The following YEATS2 variants were observed in gnomAD, a reference collection of about 807,000 sequenced individuals.
YEATS2 encodes YEATS domain containing 2, also known as YEATS domain-containing protein 2.
In YEATS2, 77 loss-of-function variants were observed where a neutral mutation model predicts 163.2. The observed-to-expected ratio is 0.47, with a 90% CI of 0.39 to 0.57. YEATS2 has a LOEUF of 0.57. Ranked by LOEUF, YEATS2 falls within the 20% of genes least tolerant of loss-of-function variation. The pLI is 0.00. For missense variants in YEATS2, 1,549 were observed against 1,729.8 expected, an observed-to-expected ratio of 0.90 and a Z score of 1.85; for synonymous variants, 631 against 645.1, an observed-to-expected ratio of 0.98 and a Z score of 0.33.
chr3:183,802,951 A>T (rs192495207), intron 25 of YEATS2: 2 of 286,770 alleles, frequency 7.0e-6, no homozygotes, highest in Admixed American at 9.6e-5. Context: ...TTGTGAGTTA[A>T]TGGCGGGTCC....
chr3:183,762,323 T>A (rs77244262), intron 15 of YEATS2, 44 bp downstream of exon 15: 1 of 494,908 alleles, frequency 2.0e-6, no homozygotes, highest in Non-Finnish European at 2.8e-6. Context: ...GTAAATGATG[T>A]TGTTTGCCTA....
In YEATS2 at chr3:183,763,026, G is replaced by A. The variant is rs976096280; in HGVS notation, c.1947+747G>A. On this transcript the variant is annotated intron_variant, in intron 15 of 30. Coordinates refer to ENST00000305135, the MANE Select transcript of YEATS2 (RefSeq NM_018023.5). ...AGATCGCGGCACTGCACTCCAGCCTGGGTGACAGAGAGAGACTCTGTCTCA... is the reference window on the plus strand; with the variant it reads ...AGATCGCGGCACTGCACTCCAGCCTAGGTGACAGAGAGAGACTCTGTCTCA... Among the ~76,000 whole-genome samples, 7 of 151,702 alleles carry A rather than the reference G, an allele frequency of 4.6e-5. No homozygotes were observed. In the South Asian group the frequency reaches 1.5e-3, roughly 32 times the overall value.
At chr3:183,714,383 A>AG (rs1715604438) in intron 1 of YEATS2, among the ~76,000 whole-genome samples, 1 of 150,348 alleles carries the variant, frequency 6.7e-6, no homozygotes, top group African/African-American at 2.4e-5. Context: ...TTTTTAGTAG[A>AG]GACGGGTTTT....
chr3:183,781,254 G>A (rs1487714373), intron 19 of YEATS2, among the ~76,000 whole-genome samples: 3 of 152,148 alleles, frequency 2.0e-5, no homozygotes, highest in African/African-American at 7.2e-5. Context: ...AAAGGCCTGC[G>A]AACTGGTGGG....
intron 6 of YEATS2, among the ~76,000 whole-genome samples, chr3:183,726,912 C>G (rs569840145): frequency 2.6e-5 from 4 of 152,254 alleles, no homozygotes; most frequent in African/African-American, 9.6e-5. Context: ...AGCGATTCTC[C>G]TGCGTCAGCC....
chr3:183,746,919 C>G (rs1233969759), intron 8 of YEATS2, among the ~76,000 whole-genome samples: 1 of 149,504 alleles, frequency 6.7e-6, no homozygotes, highest in Non-Finnish European at 1.5e-5. Context: ...TTTTTTTTTT[C>G]TACCCAATTT....
intron 19 of YEATS2, among the ~76,000 whole-genome samples, chr3:183,784,712 G>A (rs1049825182): frequency 2.6e-5 from 4 of 151,524 alleles, no homozygotes; most frequent in African/African-American, 7.3e-5. Flanking sequence ...CGCTGTAATC[G>A]TAGAGCCGAG....
At chr3:183,810,243 A>G in intron 30 of YEATS2, 2 of 451,088 alleles carry the variant, frequency 4.4e-6, no homozygotes, top group Non-Finnish European at 8.0e-6. Context: ...CTCTTTTCTC[A>G]GTTCTCAGAA....
chr3:183,793,229 G>A (rs1724827832), intron 21 of YEATS2: 1 of 1,232,510 alleles, frequency 8.1e-7, no homozygotes, highest in African/African-American at 1.6e-5. Context: ...CTTTGGATAA[G>A]AGGCTGTGGA....
In YEATS2 at chr3:183,721,995, A is replaced by G. The variant is rs1412288435; in HGVS notation, c.396A>G (p.Thr132=). ...SSSPANQRAE[T]PSANHSESDS... ...CTCCTGCCAATCAGAGAGCAGAAACACCATCAGCCAATCATTCAGAAAGTG... is the reference window on the plus strand; with the variant it reads ...CTCCTGCCAATCAGAGAGCAGAAACGCCATCAGCCAATCATTCAGAAAGTG... The change falls in exon 5 of 31, where the codon ACA becomes ACG. Residue 132 remains threonine (T), a synonymous_variant. Coordinates refer to ENST00000305135, the MANE Select transcript of YEATS2 (RefSeq NM_018023.5). The G allele has an allele frequency of 2.5e-6, 4 of 1,614,090 alleles. No individual in the cohort carries two copies. The highest frequency in any genetic ancestry group is 2.7e-5 in the African/African-American group (2 of 74,938).
intron 20 of YEATS2, among the ~76,000 whole-genome samples, chr3:183,788,981 C>T (rs1724332808): frequency 6.6e-6 from 1 of 152,116 alleles, no homozygotes; most frequent in South Asian, 2.1e-4. Flanking sequence ...GATTGTTTGG[C>T]TTTTTTCTAT....
chr3:183,729,319 C>T (rs74285602), intron 7 of YEATS2, among the ~76,000 whole-genome samples: 2,277 of 151,990 alleles, frequency 0.015, 71 homozygotes, highest in East Asian at 0.14. Context: ...AGATTACTGT[C>T]TCACTGAGCA....
intron 8 of YEATS2, among the ~76,000 whole-genome samples, chr3:183,745,895 A>G (rs530917848): frequency 5.9e-5 from 9 of 152,224 alleles, no homozygotes; most frequent in Admixed American, 5.9e-4. Context: ...GCGGTGATGC[A>G]AACACGGTTC....
At position 183,754,219 on chromosome 3, in the gene YEATS2, A is replaced by G; in HGVS notation, c.1244A>G (p.Gln415Arg). Residue 415 changes from glutamine to arginine, a missense_variant, in exon 11 of 31, where the codon CAG becomes CGG. Physicochemically the swap from Gln to Arg is conservative, Grantham distance 43. Coordinates refer to ENST00000305135, the MANE Select transcript of YEATS2 (RefSeq NM_018023.5). The part of the protein sequence containing the change: ...ERTPTKMTTS[Q>R]KVTFCSHGNS... ...ACACCCACCAAAATGACTACATCCC[A>G]GAAAGTTACCTTTTGTTCCCATGGC... is the stretch of plus-strand genomic sequence containing the variant. 6.2e-7 allele frequency: 1 copy of G among 1,614,084 alleles called. No homozygotes were observed. The highest frequency in any genetic ancestry group is 8.5e-7 in the Non-Finnish European group (1 of 1,179,958).
intron 7 of YEATS2, among the ~76,000 whole-genome samples, chr3:183,735,112 T>C (rs1718201114): frequency 6.6e-6 from 1 of 152,250 alleles, no homozygotes; most frequent in African/African-American, 2.4e-5. Flanking sequence ...TTCCTGTCTA[T>C]TCACTAAAGG....
intron 8 of YEATS2, among the ~76,000 whole-genome samples, chr3:183,744,987 A>G (rs1455956894): frequency 1.3e-5 from 2 of 152,052 alleles, no homozygotes; most frequent in Non-Finnish European, 2.9e-5. Context: ...AATAGCTGGG[A>G]CTACAGGTGC....
At chr3:183,799,864 A>G (rs1264429533) in intron 23 of YEATS2, among the ~76,000 whole-genome samples, 1 of 127,324 alleles carries the variant, frequency 7.9e-6, no homozygotes, top group East Asian at 2.2e-4. Flanking sequence ...ATGGAGTCTC[A>G]CTCTGTCACC....
At position 183,775,896 on chromosome 3, in the gene YEATS2, T is replaced by A. The variant is rs1218518221; in HGVS notation, c.2369-19T>A. ...CTTGATACTTTTTATGATGTTGCTG[T>A]CATTCATTGTATTTTTAGATCTCCA... On this transcript the variant is annotated intron_variant, in intron 17 of 30. Coordinates refer to ENST00000305135, the MANE Select transcript of YEATS2 (RefSeq NM_018023.5). 6.2e-7 allele frequency: 1 copy of A among 1,611,408 alleles called. No individual in the cohort carries two copies. The highest frequency in any genetic ancestry group is 1.1e-5 in the South Asian group (1 of 91,006).
intron 8 of YEATS2, among the ~76,000 whole-genome samples, chr3:183,737,799 G>C (rs1010853244): frequency 6.6e-6 from 1 of 152,178 alleles, no homozygotes; most frequent in Admixed American, 6.5e-5. Context: ...CTTATAAGAA[G>C]TGAAACACAG....
Sources: allele counts gnomAD v4.1 joint callset (sites outside exome capture counted in the v4.1 genomes callset), GRCh38; gene constraint gnomAD v4.1.1; transcripts MANE v1.5; gene names NCBI Gene and HGNC (gene_info 2026-07-23, HGNC 2026-07-21).